The following RCOR1 variants were observed in gnomAD, a reference collection of about 807,000 sequenced individuals.
The protein encoded by RCOR1 is REST corepressor.
A neutral mutation model predicts 64.0 loss-of-function variants in RCOR1; 12 were observed. That is an observed-to-expected ratio of 0.19 (90% CI 0.12 to 0.30). RCOR1 has a LOEUF of 0.30. RCOR1 is among the 10% of genes least tolerant of loss of function. RCOR1 has a pLI of 1.00. For synonymous variants in RCOR1, 279 were observed against 227.2 expected (o/e 1.23, Z -2.05); for missense variants, 502 against 621.2 (o/e 0.81, Z 2.04).
At chr14:102,705,970 C>T (rs569643642) in intron 4 of RCOR1, among the ~76,000 whole-genome samples, 10 of 150,936 alleles carry the variant, frequency 6.6e-5, no homozygotes, top group East Asian at 2.0e-4. Context: ...AAACTAGCTG[C>T]GCATGGTGGC....
intron 2 of RCOR1, among the ~76,000 whole-genome samples, chr14:102,663,296 A>G (rs189510220): frequency 6.6e-6 from 1 of 152,310 alleles, no homozygotes; most frequent in East Asian, 1.9e-4. Flanking sequence ...AGTCTCTGGT[A>G]TGTCTTTATC....
intron 2 of RCOR1, among the ~76,000 whole-genome samples, chr14:102,598,399 G>A (rs1030070163): frequency 1.8e-4 from 27 of 151,646 alleles, no homozygotes; most frequent in Non-Finnish European, 1.9e-4. Context: ...CTTACAAAGA[G>A]TGAATGAGGT....
At chr14:102,674,603 C>T (rs1451233261) in intron 2 of RCOR1, among the ~76,000 whole-genome samples, 2 of 152,144 alleles carry the variant, frequency 1.3e-5, no homozygotes, top group Non-Finnish European at 2.9e-5. Flanking sequence ...GTCCACTTTA[C>T]TATACATTGC....
intron 2 of RCOR1, among the ~76,000 whole-genome samples, chr14:102,628,400 T>C (rs1398423012): frequency 6.6e-6 from 1 of 152,156 alleles, no homozygotes; most frequent in Non-Finnish European, 1.5e-5. Flanking sequence ...AGGATGCCAA[T>C]ATAGTCCCTA....
rs1169435214 is a variant in RCOR1, at chr14:102,658,089, C to T, written c.362-23806C>T. On this transcript the variant is annotated intron_variant, in intron 2 of 11. Coordinates refer to ENST00000262241, the MANE Select transcript of RCOR1 (RefSeq NM_015156.4). The stretch of plus-strand genomic sequence containing the variant: ...TCCCAGGTTCAGGTGATTCTCCTGC[C>T]TCAGCCTCCCAAGTAATTGGGATTA... 3.4e-5 allele frequency: 10 copies of T among 292,652 alleles called. 1 individual carries two copies. Among genetic ancestry groups the T allele is most frequent in the Middle Eastern group, 3.4e-3 (2 of 582 alleles). 18.1% of individuals were successfully genotyped at this position (292,652 alleles called of 1,614,324 possible).
intron 2 of RCOR1, among the ~76,000 whole-genome samples, chr14:102,673,925 T>C (rs1351542304): frequency 3.3e-5 from 5 of 152,272 alleles, no homozygotes; most frequent in Non-Finnish European, 7.3e-5. Flanking sequence ...CCCGTTGATG[T>C]ATTTTAAAGA....
At chr14:102,604,681 A>G (rs1893468751) in intron 2 of RCOR1, among the ~76,000 whole-genome samples, 1 of 152,222 alleles carries the variant, frequency 6.6e-6, no homozygotes, top group Admixed American at 6.5e-5. Context: ...GAAAAGGATC[A>G]ACAAGATAGA....
At chr14:102,710,684 T>A (rs533548649) in intron 6 of RCOR1, 4 of 444,882 alleles carry the variant, frequency 9.0e-6, no homozygotes, top group Non-Finnish European at 1.6e-5. Flanking sequence ...TAGATCTGGA[T>A]TGGGAAGTTA....
chr14:102,698,953 C>T (rs1056751937), intron 3 of RCOR1, among the ~76,000 whole-genome samples: 16 of 151,846 alleles, frequency 1.1e-4, no homozygotes, highest in African/African-American at 3.4e-4. Flanking sequence ...AAGTCTTGCT[C>T]TGTCACCAAG....
chr14:102,698,394 C>T (rs1259856010), intron 3 of RCOR1, among the ~76,000 whole-genome samples: 2 of 152,194 alleles, frequency 1.3e-5, no homozygotes, highest in African/African-American at 2.4e-5. Context: ...TCCTGCATCA[C>T]TTTTTCAGCC....
chr14:102,651,378 C>A (rs1194874595), intron 2 of RCOR1, among the ~76,000 whole-genome samples: 1 of 151,934 alleles, frequency 6.6e-6, no homozygotes, highest in Admixed American at 6.6e-5. Flanking sequence ...CACAGTGAAA[C>A]CCCGTCTCTA....
chr14:102,621,555 C>T (rs1893874692), intron 2 of RCOR1, among the ~76,000 whole-genome samples: 1 of 151,898 alleles, frequency 6.6e-6, no homozygotes, highest in Non-Finnish European at 1.5e-5. Context: ...TTGTCTTTCT[C>T]CTGCTTTACT....
At chr14:102,726,155 C>T (rs1378473077) in intron 11 of RCOR1, among the ~76,000 whole-genome samples, 1 of 151,686 alleles carries the variant, frequency 6.6e-6, no homozygotes, top group African/African-American at 2.4e-5. Flanking sequence ...GGTGAAACCC[C>T]GTCTCTACTG....
chr14:102,650,072 C>T (rs1369192627), intron 2 of RCOR1, among the ~76,000 whole-genome samples: 3 of 151,900 alleles, frequency 2.0e-5, no homozygotes, highest in African/African-American at 7.3e-5. Context: ...GTGGCGGGCA[C>T]CTGTAGTCCC....
At chr14:102,722,813 A>AT (rs1378663652) in intron 11 of RCOR1, among the ~76,000 whole-genome samples, 1 of 152,254 alleles carries the variant, frequency 6.6e-6, no homozygotes, top group Non-Finnish European at 1.5e-5. Flanking sequence ...ATGTGCAGTC[A>AT]CATCATCATG....
At position 102,652,964 on chromosome 14, in the gene RCOR1, C is replaced by T. The variant is rs576227526; in HGVS notation, c.362-28931C>T. On this transcript the variant is annotated intron_variant, in intron 2 of 11. Coordinates refer to ENST00000262241, the MANE Select transcript of RCOR1 (RefSeq NM_015156.4). ...ATTACTATTTTTTGAGATGGAGTTT[C>T]GCTTTGTCGCCAGGCTGGAGTGCAG... Among the ~76,000 whole-genome samples the T allele has an allele frequency of 9.7e-4, 148 of 152,002 alleles. 1 individual carries two copies. The highest frequency in any genetic ancestry group is 3.4e-3 in the African/African-American group (141 of 41,438).
chr14:102,661,761 T>A (rs993723424), intron 2 of RCOR1, among the ~76,000 whole-genome samples: 1 of 151,986 alleles, frequency 6.6e-6, no homozygotes, highest in African/African-American at 2.4e-5. Flanking sequence ...GGACATGAGT[T>A]TTTGTTTGTT....
At chr14:102,605,016 C>T (rs987467677) in intron 2 of RCOR1, among the ~76,000 whole-genome samples, 5 of 146,842 alleles carry the variant, frequency 3.4e-5, no homozygotes, top group East Asian at 2.0e-4. Context: ...TACAGTGAGC[C>T]GAGATCGTGC....
chr14:102,656,634 A>AT (rs1894729861), intron 2 of RCOR1, among the ~76,000 whole-genome samples: 1 of 149,216 alleles, frequency 6.7e-6, no homozygotes, highest in Admixed American at 6.7e-5. Flanking sequence ...TACCTGGCTG[A>AT]TTTTTTGTAT....
Sources: allele counts gnomAD v4.1 joint callset (sites outside exome capture counted in the v4.1 genomes callset), GRCh38; gene constraint gnomAD v4.1.1; transcripts MANE v1.5; gene names NCBI Gene and HGNC (gene_info 2026-07-23, HGNC 2026-07-21).